Variants in GANAB observed in about 807,000 individuals in gnomAD.
GANAB encodes the protein glucosidase II alpha subunit.
In GANAB, 35 loss-of-function variants were observed where a neutral mutation model predicts 129.9. The ratio of observed to expected loss-of-function variants is 0.27; its 90% CI spans 0.21 to 0.36. The LOEUF (loss-of-function observed/expected upper bound fraction) is 0.36. Among genes scored for constraint, GANAB ranks in the 10% least tolerant of loss-of-function variants. The probability of loss-of-function intolerance (pLI) is 1.00; values close to 1 mark genes in which losing one functional copy is unlikely to be tolerated. For synonymous variants in GANAB, 482 were observed against 451.8 expected, an observed-to-expected ratio of 1.07 and a Z score of -0.85; for missense variants, 939 against 1,221.0, an observed-to-expected ratio of 0.77 and a Z score of 3.44.
intron 13 of GANAB, 91 bp from the exon 14 acceptor site, chr11:62,630,048 AAG>A (rs1943590449): frequency 6.8e-7 from 1 of 1,464,346 alleles, no homozygotes; most frequent in South Asian, 1.1e-5. Flanking sequence ...GGAATCTAAA[AAG>A]ATGCATTTTT....
At chr11:62,639,224 C>A in intron 3 of GANAB, 114 bp from the exon 4 acceptor site, 1 of 1,329,390 alleles carries the variant, frequency 7.5e-7, no homozygotes, top group Non-Finnish European at 1.1e-6. Flanking sequence ...GCCTAAAGGC[C>A]AAGATCACAT....
At chr11:62,643,609 T>C (rs1470327469) in intron 1 of GANAB, among the ~76,000 whole-genome samples, 1 of 151,864 alleles carries the variant, frequency 6.6e-6, no homozygotes, top group Non-Finnish European at 1.5e-5. Context: ...TGCCACTGCA[T>C]TCCAGCCTGG....
chr11:62,643,097 C>G (rs1176837454), intron 1 of GANAB, among the ~76,000 whole-genome samples: 1 of 152,124 alleles, frequency 6.6e-6, no homozygotes, highest in Non-Finnish European at 1.5e-5. Context: ...TATGAAATGA[C>G]AGATAAGAGA....
At position 62,632,670 on chromosome 11, in the gene GANAB, C is replaced by A. The variant is rs202114788; in HGVS notation, c.891G>T (p.Gly297=). The A allele has an allele frequency of 1.5e-5, 24 of 1,613,488 alleles. No homozygotes were observed. Among genetic ancestry groups the A allele is most frequent in the Non-Finnish European group, 1.9e-5 (22 of 1,179,558 alleles). Residue 297 remains glycine, a synonymous_variant, in exon 9 of 24, where the codon GGG becomes GGT. Coordinates refer to ENST00000356638, the MANE Select transcript of GANAB (RefSeq NM_198334.3). The part of the protein sequence containing the change: ...YELYNPMALY[G]SVPVLLAHNP... ...TGTGTGCCAGGAGCACAGGCACAGA[C>A]CCATACAAGGCCATTGGGTTGTACA...
Position 62,625,137 on chromosome 11 carries a change from G to A in GANAB, c.*678C>T. On this transcript the variant is annotated 3_prime_UTR_variant, in exon 24 of 24. Transcript: ENST00000356638. ...GTTTAATGCGCATCCCCTAAGAGGTGTGGAAACGTCTTTCTGCCGAGGGAC... is the reference window on the plus strand; with the variant it reads ...GTTTAATGCGCATCCCCTAAGAGGTATGGAAACGTCTTTCTGCCGAGGGAC... The A allele has an allele frequency of 2.2e-6, 1 of 448,316 alleles. No homozygotes were observed. The highest frequency in any genetic ancestry group is 1.6e-5 in the South Asian group (1 of 63,532). The allele number at this position is 448,316 out of a possible 1,614,324, so 27.8% of individuals were successfully genotyped here.
Position 62,625,080 on chromosome 11 carries a change from C to T in GANAB, c.*735G>A. On this transcript the variant is annotated 3_prime_UTR_variant, in exon 24 of 24. Coordinates refer to ENST00000356638, the MANE Select transcript of GANAB (RefSeq NM_198334.3). ...CAACTGATTTCTCCATCTTAAGTGC[C>T]CCTCAAAGGGGACAAGAAGGGGGCA... 2.7e-6 allele frequency: 1 copy of T among 364,302 alleles called. No individual in the cohort carries two copies. Among genetic ancestry groups the T allele is most frequent in the Non-Finnish European group, 5.3e-6 (1 of 187,422 alleles). 22.6% of individuals were successfully genotyped at this position (364,302 alleles called of 1,614,324 possible). A position where few individuals can be genotyped will look rare whatever the true frequency, so the allele number is the denominator to read the frequency against.
At position 62,629,919 on chromosome 11, in the gene GANAB, G is replaced by A. The variant is rs78466497; in HGVS notation, c.1632C>T (p.Asn544=). The A allele has an allele frequency of 2.3e-4, 378 of 1,614,012 alleles. No individual in the cohort carries two copies. Among genetic ancestry groups the A allele is most frequent in the East Asian group, 3.6e-4 (16 of 44,884 alleles). The change falls in exon 14 of 24, where the codon AAC becomes AAT. Residue 544 remains asparagine, a synonymous_variant. Transcript: ENST00000356638. ...APNLFVWNDM[N]EPSVFNGPEV... The stretch of plus-strand genomic sequence containing the variant: ...CAGGACCATTGAACACAGATGGTTC[G>A]TTCATGTCATTCCAGACAAAGAGGT...
At chr11:62,644,525 G>A (rs997906239) in intron 1 of GANAB, among the ~76,000 whole-genome samples, 1 of 151,708 alleles carries the variant, frequency 6.6e-6, no homozygotes, top group Non-Finnish European at 1.5e-5. Context: ...GGAGGCTGAA[G>A]CCGGAGGACT....
At chr11:62,628,205 CTTTTT>C (rs58757640) in intron 17 of GANAB, among the ~76,000 whole-genome samples, 7 of 98,412 alleles carry the variant, frequency 7.1e-5, no homozygotes, top group African/African-American at 2.4e-4. Context: ...CTTCTCAAAA[CTTTTT>C]TTTTTTTTTT....
At chr11:62,632,481 A>G in intron 9 of GANAB, 84 bp downstream of exon 9, 6 of 1,084,466 alleles carry the variant, frequency 5.5e-6, no homozygotes, top group Non-Finnish European at 6.9e-6. Flanking sequence ...CCAGTCCCCA[A>G]ATAGCTAATG....
intron 1 of GANAB, among the ~76,000 whole-genome samples, chr11:62,642,217 T>A (rs1433230029): frequency 2.6e-5 from 4 of 151,840 alleles, no homozygotes; most frequent in Non-Finnish European, 5.9e-5. Context: ...TCAAAAAAAA[T>A]AAATAAAAAT....
chr11:62,646,424 A>T (rs1944486851), intron 1 of GANAB, 138 bp downstream of exon 1: 1 of 978,988 alleles, frequency 1.0e-6, no homozygotes, highest in Admixed American at 2.3e-5. Context: ...GAGGCGTCTG[A>T]GGCCGCCTCC....
chr11:62,639,715 C>T lies in GANAB; in HGVS notation c.55G>A (p.Val19Ile), dbSNP rs769571488. Reference sequence around the variant, plus strand: ...AGGCAGACCCCTAAAAAAGCCAGTACCAAAGACGCCCAAGACCTAAGGAGA... The same window carrying T: ...AGGCAGACCCCTAAAAAAGCCAGTATCAAAGACGCCCAAGACCTAAGGAGA... ...ARRRRSWASLVLAFLGVCLGI... is the reference protein window; with the variant it reads ...ARRRRSWASLILAFLGVCLGI... The change falls in exon 2 of 24, where the codon GTA (valine) becomes ATA (isoleucine). Residue 19 changes from valine to isoleucine, a missense_variant. By Grantham distance (29) the Val-to-Ile change is conservative (BLOSUM62 3). Coordinates refer to ENST00000356638, the MANE Select transcript of GANAB (RefSeq NM_198334.3). 6.2e-6 allele frequency: 10 copies of T among 1,613,118 alleles called. No individual in the cohort carries two copies. In the Admixed American group the frequency reaches 1.0e-4, roughly 16 times the overall value.
At chr11:62,634,406 G>A (rs751087677) in intron 5 of GANAB, 1 of 1,438,754 alleles carries the variant, frequency 7.0e-7, no homozygotes. Context: ...TAGGGAAGGG[G>A]AAAAAGAGGC....
chr11:62,640,390 G>A lies in GANAB; in HGVS notation c.39-659C>T, dbSNP rs534189182. On this transcript the variant is annotated intron_variant, in intron 1 of 23. Coordinates refer to ENST00000356638, the MANE Select transcript of GANAB (RefSeq NM_198334.3). ...CTACTAAAAATACAAAAAATTAGCC[G>A]GGCGTGGTGGCAGGTGTCTGTAGTC... 2.4e-3 allele frequency among the ~76,000 whole-genome samples: 345 copies of A among 141,836 alleles called. 1 individual carries two copies. The highest frequency in any genetic ancestry group is 3.2e-3 in the Non-Finnish European group (210 of 65,188). 93.0% of individuals were successfully genotyped at this position (141,836 alleles called of 152,430 possible). A position where few individuals can be genotyped will look rare whatever the true frequency, so the allele number is the denominator to read the frequency against.
At chr11:62,633,582 G>C in intron 5 of GANAB, 68 bp from the exon 6 acceptor site, 4 of 1,385,248 alleles carry the variant, frequency 2.9e-6, no homozygotes, top group Non-Finnish European at 4.1e-6. Flanking sequence ...TGGAAGGAGG[G>C]GTTGGGGAAT....
At chr11:62,645,892 T>TG (rs912305898) in intron 1 of GANAB, among the ~76,000 whole-genome samples, 1 of 152,176 alleles carries the variant, frequency 6.6e-6, no homozygotes, top group Non-Finnish European at 1.5e-5. Flanking sequence ...TTTGTGGCAC[T>TG]GGTGATATGT....
rs762145238 is a variant in GANAB at position 62,646,551 on chromosome 11, G to A, written c.38+11C>T. 11 of 1,613,266 alleles carry A rather than the reference G, an allele frequency of 6.8e-6. No homozygotes were observed. Among genetic ancestry groups the A allele is most frequent in the South Asian group, 5.5e-5 (5 of 91,078 alleles). The stretch of plus-strand genomic sequence containing the variant: ...CGTCCCGGGCGCGCCCCCAGATTCC[G>A]GGCTCCTCACCGCCTCCTACGCGCC... On this transcript the variant is annotated intron_variant, in intron 1 of 23. Coordinates refer to ENST00000356638, the MANE Select transcript of GANAB (RefSeq NM_198334.3).
At chr11:62,627,741 A>AAAAAG (rs1015247901) in intron 17 of GANAB, among the ~76,000 whole-genome samples, 2 of 152,176 alleles carry the variant, frequency 1.3e-5, no homozygotes, top group Non-Finnish European at 2.9e-5. Context: ...TCTCAAAAAA[A>AAAAAG]AAAAGAAAAG....
Sources: gnomAD v4.1 joint callset for allele counts (sites outside exome capture counted in the v4.1 genomes callset) on GRCh38, gnomAD v4.1.1 for gene constraint, MANE v1.5 for transcripts, NCBI Gene and HGNC (gene_info 2026-07-23, HGNC 2026-07-21) for gene names.